PTPRQ: variants seen among roughly 807,000 people sequenced by gnomAD.
The protein encoded by PTPRQ is protein tyrosine phosphatase receptor type Q.
A neutral mutation model predicts 246.0 loss-of-function variants in PTPRQ; 199 were observed. The ratio of observed to expected loss-of-function variants is 0.81; its 90% CI spans 0.72 to 0.91. The LOEUF (loss-of-function observed/expected upper bound fraction) is 0.91. PTPRQ is among the 40% of genes least tolerant of loss of function. PTPRQ has a pLI of 0.00. For synonymous variants in PTPRQ, 869 were observed against 853.2 expected (o/e 1.02, Z -0.32); for missense variants, 2,624 against 2,528.4 (o/e 1.04, Z -0.81).
intron 16 of PTPRQ, among the ~76,000 whole-genome samples, chr12:80,507,677 G>A (rs1895004281): frequency 6.6e-6 from 1 of 151,900 alleles, no homozygotes; most frequent in African/African-American, 2.4e-5. Flanking sequence ...GTTTCTAAGT[G>A]GGCTGCCTCT....
At chr12:80,669,564 A>G (rs1900903184) in intron 41 of PTPRQ, 100 bp downstream of exon 41, 7 of 1,419,924 alleles carry the variant, frequency 4.9e-6, no homozygotes, top group Non-Finnish European at 5.5e-6. Flanking sequence ...TTTCAAGGAT[A>G]CCTGTATATT....
intron 8 of PTPRQ, among the ~76,000 whole-genome samples, chr12:80,472,479 A>G (rs1565728653): frequency 6.6e-6 from 1 of 152,192 alleles, no homozygotes; most frequent in Non-Finnish European, 1.5e-5. Flanking sequence ...GAAATATCAT[A>G]TGTAGTATTG....
At chr12:80,596,956 A>C (rs886217607) in intron 26 of PTPRQ, among the ~76,000 whole-genome samples, 3 of 151,970 alleles carry the variant, frequency 2.0e-5, no homozygotes, top group Non-Finnish European at 4.4e-5. Flanking sequence ...TAAAACATTG[A>C]TTCATTCATA....
At position 80,678,966 on chromosome 12, in the gene PTPRQ, C is replaced by T. The variant is rs1273441697; in HGVS notation, c.6863-20C>T. 1 of 1,539,010 alleles carries T rather than the reference C, an allele frequency of 6.5e-7. No individual in the cohort carries two copies. Among genetic ancestry groups the T allele is most frequent in the Non-Finnish European group, 8.8e-7 (1 of 1,142,438 alleles). ...TGTTAACTTCAACACTCTCTTGTAA[C>T]ATGTTACTTTCTGTTATAGGTGATG... On this transcript the variant is annotated intron_variant, in intron 44 of 44. Transcript: ENST00000644991.
intron 26 of PTPRQ, among the ~76,000 whole-genome samples, chr12:80,599,430 G>A (rs1371139467): frequency 6.6e-6 from 1 of 151,850 alleles, no homozygotes; most frequent in Non-Finnish European, 1.5e-5. Flanking sequence ...TTTATGGGGA[G>A]ACAAACAAAG....
At chr12:80,624,273 G>T (rs958634448) in intron 33 of PTPRQ, among the ~76,000 whole-genome samples, 1 of 152,168 alleles carries the variant, frequency 6.6e-6, no homozygotes, top group South Asian at 2.1e-4. Flanking sequence ...GCTGCTGAGG[G>T]ATAGTGACAA....
intron 25 of PTPRQ, among the ~76,000 whole-genome samples, chr12:80,551,312 C>G (rs1040600568): frequency 6.6e-6 from 1 of 152,118 alleles, no homozygotes; most frequent in South Asian, 2.1e-4. Context: ...ATCTCTTCTA[C>G]ATACAATCAG....
chr12:80,467,819 G>C (rs1893484255), intron 6 of PTPRQ, among the ~76,000 whole-genome samples: 1 of 151,790 alleles, frequency 6.6e-6, no homozygotes, highest in Non-Finnish European at 1.5e-5. Flanking sequence ...AGAACACATG[G>C]ACACAGGAAG....
At chr12:80,623,517 A>G (rs1268030040) in intron 33 of PTPRQ, among the ~76,000 whole-genome samples, 1 of 152,150 alleles carries the variant, frequency 6.6e-6, no homozygotes, top group Non-Finnish European at 1.5e-5. Context: ...CCACCACAGT[A>G]AAATAAATGT....
intron 39 of PTPRQ, among the ~76,000 whole-genome samples, chr12:80,658,675 A>G (rs975559162): frequency 1.3e-5 from 2 of 151,968 alleles, no homozygotes; most frequent in African/African-American, 4.8e-5. Context: ...ATCTCTAAAC[A>G]ACTCTGCTTT....
Position 80,676,844 on chromosome 12 carries a change from C to T in PTPRQ, c.6739-1758C>T, listed in dbSNP as rs80193990. On this transcript the variant is annotated intron_variant, in intron 43 of 44. Transcript: ENST00000644991. ...ATATTTTGGATGTCCAGTTTTTTGTCGGGCATTTTATGTATGTTAAATCCT... is the reference window on the plus strand; with the variant it reads ...ATATTTTGGATGTCCAGTTTTTTGTTGGGCATTTTATGTATGTTAAATCCT... Among the ~76,000 whole-genome samples the T allele has an allele frequency of 5.5e-3, 837 of 152,134 alleles. 1 individual carries two copies. The highest frequency in any genetic ancestry group is 0.02 in the African/African-American group (811 of 41,532).
chr12:80,459,665 G>C (rs941682025), intron 5 of PTPRQ, among the ~76,000 whole-genome samples, 182 bp downstream of exon 5: 2 of 152,118 alleles, frequency 1.3e-5, no homozygotes, highest in Non-Finnish European at 2.9e-5. Context: ...AACACAATTG[G>C]CCTCATTCAG....
intron 5 of PTPRQ, among the ~76,000 whole-genome samples, chr12:80,460,447 G>A (rs1395660243): frequency 6.6e-6 from 1 of 152,082 alleles, no homozygotes; most frequent in Non-Finnish European, 1.5e-5. Context: ...AAAGGTTAAG[G>A]TATAAGGAAT....
At chr12:80,542,988 T>G (rs892625090) in intron 23 of PTPRQ, 107 bp downstream of exon 23, 2 of 779,202 alleles carry the variant, frequency 2.6e-6, no homozygotes, top group African/African-American at 3.7e-5. Context: ...CAATGACTAT[T>G]TTTTTAAACT....
chr12:80,496,007 A>G lies in PTPRQ; in HGVS notation c.1891A>G (p.Lys631Glu). 1 of 1,549,664 alleles carries G rather than the reference A, an allele frequency of 6.5e-7. No individual in the cohort carries two copies. Residue 631 changes from lysine (K) to glutamate (E), a missense_variant, in exon 13 of 45, where the codon AAA becomes GAA. Coordinates refer to ENST00000644991, the MANE Select transcript of PTPRQ (RefSeq NM_001145026.2). ...DNSFLITGLK[K>E]YTKYKMRVAA... ...GTCTCTTGTCCTTATAGGGTTAAAG[A>G]AATACACAAAATACAAAATGAGAGT...
At position 80,468,798 on chromosome 12, in the gene PTPRQ, A is replaced by G; in HGVS notation, c.999A>G (p.Thr333=). Residue 333 remains threonine (T), a synonymous_variant, in exon 7 of 45, where the codon ACA becomes ACG. Transcript: ENST00000644991. ...TATGGGACCCACCAACTATAGTAAC[A>G]GGGAAATTTAGTTATAGAGTTGAAT... is the stretch of plus-strand genomic sequence containing the variant. ...SILWDPPTIV[T]GKFSYRVELY... 1.3e-6 allele frequency: 2 copies of G among 1,550,016 alleles called. No individual in the cohort carries two copies. Among genetic ancestry groups the G allele is most frequent in the Non-Finnish European group, 1.7e-6 (2 of 1,146,228 alleles).
intron 3 of PTPRQ, among the ~76,000 whole-genome samples, chr12:80,452,187 C>A (rs1395123563): frequency 1.4e-5 from 2 of 139,866 alleles, no homozygotes; most frequent in African/African-American, 2.8e-5. Context: ...GGATTGCAAC[C>A]CCTGCCTTTG....
intron 35 of PTPRQ, among the ~76,000 whole-genome samples, chr12:80,637,977 C>G (rs936398286): frequency 6.6e-6 from 1 of 152,034 alleles, no homozygotes; most frequent in East Asian, 1.9e-4. Flanking sequence ...TAAATCTACC[C>G]AGCTAATAGG....
Position 80,542,378 on chromosome 12 carries a change from C to T in PTPRQ, c.3721+14C>T. 1 of 1,518,484 alleles carries T rather than the reference C, an allele frequency of 6.6e-7. No individual in the cohort carries two copies. The highest frequency in any genetic ancestry group is 8.8e-7 in the Non-Finnish European group (1 of 1,139,096). The allele number at this position is 1,518,484 out of a possible 1,614,324, so 94.1% of individuals were successfully genotyped here. On this transcript the variant is annotated intron_variant, in intron 22 of 44. Transcript: ENST00000644991. ...CAGATGAGTCAGGTAAGCCAGAATCCACATTTCTTCAAACAATTTCACTGT... is the reference window on the plus strand; with the variant it reads ...CAGATGAGTCAGGTAAGCCAGAATCTACATTTCTTCAAACAATTTCACTGT...
Sources: allele counts gnomAD v4.1 joint callset (sites outside exome capture counted in the v4.1 genomes callset), GRCh38; gene constraint gnomAD v4.1.1; transcripts MANE v1.5; gene names NCBI Gene and HGNC (gene_info 2026-07-23, HGNC 2026-07-21).